Variants in AUTS2 observed in about 807,000 individuals in gnomAD.
AUTS2 encodes the protein autism susceptibility gene 2 protein.
Under a neutral mutation model 112.4 loss-of-function variants are expected in AUTS2, and 17 were observed. That is an observed-to-expected ratio of 0.15 (90% CI 0.10 to 0.23). The LOEUF is 0.23. Among genes scored for constraint, AUTS2 ranks in the 10% least tolerant of loss-of-function variants. AUTS2 has a pLI of 1.00. For synonymous variants in AUTS2, 751 were observed against 702.7 expected, an observed-to-expected ratio of 1.07 and a Z score of -1.09; for missense variants, 1,510 against 1,701.6, an observed-to-expected ratio of 0.89 and a Z score of 1.98.
At chr7:70,308,622 T>G (rs917638660) in intron 4 of AUTS2, among the ~76,000 whole-genome samples, 2 of 152,162 alleles carry the variant, frequency 1.3e-5, no homozygotes, top group Non-Finnish European at 2.9e-5. Context: ...TAGCCTTAAA[T>G]TAGTTAAAAT....
At chr7:69,904,442 G>A (rs1795080018) in intron 2 of AUTS2, among the ~76,000 whole-genome samples, 1 of 152,124 alleles carries the variant, frequency 6.6e-6, no homozygotes. Flanking sequence ...AATCACACAG[G>A]TATTTATCCA....
chr7:70,126,455 A>G (rs1029959650), intron 3 of AUTS2, among the ~76,000 whole-genome samples: 4 of 152,118 alleles, frequency 2.6e-5, no homozygotes, highest in East Asian at 1.9e-4. Flanking sequence ...TCTAAATTAT[A>G]TATTCCCAGA....
chr7:70,000,815 G>A (rs1036689669), intron 2 of AUTS2, among the ~76,000 whole-genome samples: 1 of 152,144 alleles, frequency 6.6e-6, no homozygotes, highest in Non-Finnish European at 1.5e-5. Flanking sequence ...TTGGGCCATG[G>A]TCTCTCATTT....
At chr7:70,643,660 A>G (rs1013098811) in intron 5 of AUTS2, among the ~76,000 whole-genome samples, 3 of 152,182 alleles carry the variant, frequency 2.0e-5, no homozygotes, top group Non-Finnish European at 4.4e-5. Flanking sequence ...TTTTAAGTGG[A>G]TCCTAAGACA....
intron 4 of AUTS2, among the ~76,000 whole-genome samples, chr7:70,322,728 G>C (rs1271632952): frequency 6.6e-6 from 1 of 152,202 alleles, no homozygotes; most frequent in African/African-American, 2.4e-5. Flanking sequence ...GAGAGAGGCA[G>C]TCCAACACAG....
chr7:70,744,986 AGGCT>A (rs1221261953), intron 6 of AUTS2, among the ~76,000 whole-genome samples: 2 of 152,040 alleles, frequency 1.3e-5, no homozygotes, highest in Non-Finnish European at 2.9e-5. Context: ...GATGCATTGC[AGGCT>A]CTCCTCAGGA....
chr7:70,389,638 T>C (rs952332648), intron 4 of AUTS2, among the ~76,000 whole-genome samples: 1 of 152,174 alleles, frequency 6.6e-6, no homozygotes. Flanking sequence ...TTTTTTTCTT[T>C]ATAGAAACAT....
chr7:70,749,179 G>A (rs551097972), intron 6 of AUTS2, among the ~76,000 whole-genome samples: 1 of 152,292 alleles, frequency 6.6e-6, no homozygotes, highest in Admixed American at 6.5e-5. Context: ...CCCTAGGAAG[G>A]AATGAAGGAA....
At chr7:70,159,523 G>A (rs950737523) in intron 4 of AUTS2, among the ~76,000 whole-genome samples, 2 of 152,156 alleles carry the variant, frequency 1.3e-5, no homozygotes, top group African/African-American at 2.4e-5. Context: ...ACAGGAGGAC[G>A]TATGCAATAT....
chr7:69,878,132 G>A (rs1793886519), intron 1 of AUTS2, among the ~76,000 whole-genome samples: 1 of 152,158 alleles, frequency 6.6e-6, no homozygotes, highest in Non-Finnish European at 1.5e-5. Flanking sequence ...GAATAGAAAG[G>A]CAAAGAGGAT....
chr7:70,027,538 T>C (rs1315488172), intron 2 of AUTS2, among the ~76,000 whole-genome samples: 1 of 152,218 alleles, frequency 6.6e-6, no homozygotes, highest in African/African-American at 2.4e-5. Context: ...TGGAAATGCC[T>C]GAACTAAACT....
intron 4 of AUTS2, among the ~76,000 whole-genome samples, chr7:70,404,697 T>C (rs1299611491): frequency 6.6e-6 from 1 of 152,222 alleles, no homozygotes; most frequent in Non-Finnish European, 1.5e-5. Context: ...GGGGGGACCC[T>C]GTTCACCTTT....
At chr7:69,631,269 T>G (rs1449160326) in intron 1 of AUTS2, among the ~76,000 whole-genome samples, 1 of 152,126 alleles carries the variant, frequency 6.6e-6, no homozygotes, top group Non-Finnish European at 1.5e-5. Context: ...TGCACAGCTG[T>G]TCTGGAAAAA....
chr7:70,725,873 G>A (rs1585577829), intron 6 of AUTS2, among the ~76,000 whole-genome samples: 1 of 152,092 alleles, frequency 6.6e-6, no homozygotes, highest in East Asian at 1.9e-4. Flanking sequence ...TCAGGAGTTT[G>A]AGACCAGCGT....
chr7:69,642,299 G>GA (rs1038952962), intron 1 of AUTS2, among the ~76,000 whole-genome samples: 1 of 151,834 alleles, frequency 6.6e-6, no homozygotes, highest in African/African-American at 2.4e-5. Flanking sequence ...TAAGGGAAGG[G>GA]AAAAAAATGG....
chr7:70,704,048 A>G (rs888229016), intron 6 of AUTS2, among the ~76,000 whole-genome samples: 3 of 152,312 alleles, frequency 2.0e-5, no homozygotes, highest in Non-Finnish European at 1.5e-5. Flanking sequence ...GTTGTATAGA[A>G]TCATCCTTTG....
At chr7:70,433,972 A>T (rs777871757) in intron 4 of AUTS2, among the ~76,000 whole-genome samples, 1 of 152,144 alleles carries the variant, frequency 6.6e-6, no homozygotes, top group African/African-American at 2.4e-5. Context: ...CTGCCCTGAG[A>T]TGGGTTCAGT....
At chr7:70,443,987 A>G (rs1796217630) in intron 5 of AUTS2, among the ~76,000 whole-genome samples, 1 of 152,222 alleles carries the variant, frequency 6.6e-6, no homozygotes, top group South Asian at 2.1e-4. Context: ...GGTTGAGTGC[A>G]TGATTCTGTG....
intron 4 of AUTS2, among the ~76,000 whole-genome samples, chr7:70,194,394 C>T (rs1425693580): frequency 1.3e-5 from 2 of 151,960 alleles, no homozygotes; most frequent in African/African-American, 4.8e-5. Context: ...GGCGACAGAG[C>T]GAGACCCTGT....
Sources: allele counts gnomAD v4.1 joint callset (sites outside exome capture counted in the v4.1 genomes callset), GRCh38; gene constraint gnomAD v4.1.1; transcripts MANE v1.5; gene names NCBI Gene and HGNC (gene_info 2026-07-23, HGNC 2026-07-21).